The following NEGR1 variants were observed in gnomAD, a reference collection of about 807,000 sequenced individuals.
The protein encoded by NEGR1 is neuronal growth regulator 1, also known as IgLON family member 4.
NEGR1 carries 10 observed loss-of-function variants against 40.9 expected under a neutral mutation model. The ratio of observed to expected loss-of-function variants is 0.24; its 90% confidence interval spans 0.15 to 0.42. The LOEUF (loss-of-function observed/expected upper bound fraction) is 0.42. Ranked by LOEUF, NEGR1 falls within the 10% of genes least tolerant of loss-of-function variation. The pLI, the probability that NEGR1 is intolerant of heterozygous loss-of-function variation, is 1.00. For synonymous variants in NEGR1, 185 were observed against 166.8 expected (o/e 1.11, Z -0.84); for missense variants, 352 against 438.9 (o/e 0.80, Z 1.77).
chr1:72,103,706 A>G (rs1421437830), intron 1 of NEGR1, among the ~76,000 whole-genome samples: 1 of 151,904 alleles, frequency 6.6e-6, no homozygotes, highest in East Asian at 1.9e-4. Context: ...GTTTCTCTCT[A>G]TTTCTCAGGT....
At chr1:71,863,747 A>G (rs1205966921) in intron 2 of NEGR1, among the ~76,000 whole-genome samples, 1 of 152,158 alleles carries the variant, frequency 6.6e-6, no homozygotes, top group Non-Finnish European at 1.5e-5. Flanking sequence ...TTGGGAATAG[A>G]CAGTACTAGT....
chr1:71,707,524 T>A (rs1380701973), intron 3 of NEGR1, among the ~76,000 whole-genome samples: 2 of 152,242 alleles, frequency 1.3e-5, no homozygotes, highest in African/African-American at 4.8e-5. Flanking sequence ...CTGACTCTAG[T>A]CCCTGACTCT....
chr1:72,058,569 C>T (rs1173225440), intron 1 of NEGR1, among the ~76,000 whole-genome samples: 1 of 151,640 alleles, frequency 6.6e-6, no homozygotes, highest in Non-Finnish European at 1.5e-5. Context: ...GTGTACTTTT[C>T]AAATAACAAT....
intron 1 of NEGR1, among the ~76,000 whole-genome samples, chr1:72,260,300 T>G (rs1198060283): frequency 6.6e-6 from 1 of 152,056 alleles, no homozygotes; most frequent in Non-Finnish European, 1.5e-5. Context: ...AAATCAGGAT[T>G]TTATTCTCTA....
chr1:71,786,833 T>C (rs890672440), intron 2 of NEGR1, among the ~76,000 whole-genome samples: 3 of 152,226 alleles, frequency 2.0e-5, no homozygotes, highest in East Asian at 1.9e-4. Flanking sequence ...ATAATGCTAT[T>C]TGACTTCCAA....
At chr1:71,913,021 G>A (rs1386799219) in intron 2 of NEGR1, among the ~76,000 whole-genome samples, 3 of 152,006 alleles carry the variant, frequency 2.0e-5, no homozygotes, top group African/African-American at 7.3e-5. Flanking sequence ...ATCTGTTTGA[G>A]TAGGTTCAAA....
At chr1:72,281,296 G>A (rs1489727414) in intron 1 of NEGR1, among the ~76,000 whole-genome samples, 2 of 152,214 alleles carry the variant, frequency 1.3e-5, no homozygotes, top group African/African-American at 2.4e-5. Context: ...GTACACATGT[G>A]TGAGTGACAA....
At chr1:71,550,788 T>G (rs1189134817) in intron 6 of NEGR1, among the ~76,000 whole-genome samples, 2 of 151,564 alleles carry the variant, frequency 1.3e-5, no homozygotes, top group Non-Finnish European at 3.0e-5. Flanking sequence ...AGGGCAACAG[T>G]CAAATTGTAG....
At chr1:71,909,887 A>C (rs947267857) in intron 2 of NEGR1, among the ~76,000 whole-genome samples, 1 of 152,218 alleles carries the variant, frequency 6.6e-6, no homozygotes, top group Non-Finnish European at 1.5e-5. Flanking sequence ...ATGTGTAATC[A>C]AAGTCATCAA....
intron 1 of NEGR1, among the ~76,000 whole-genome samples, chr1:72,267,653 C>T (rs1401218593): frequency 6.6e-6 from 1 of 151,132 alleles, no homozygotes; most frequent in Non-Finnish European, 1.5e-5. Flanking sequence ...AAAATAAAAT[C>T]ACAGAAGCAT....
chr1:71,782,503 T>C (rs1656753580), intron 2 of NEGR1, among the ~76,000 whole-genome samples: 1 of 152,146 alleles, frequency 6.6e-6, no homozygotes, highest in Non-Finnish European at 1.5e-5. Flanking sequence ...CATTGGTATT[T>C]ATTTCTTCAT....
At chr1:71,435,392 A>T (rs1646502349) in intron 6 of NEGR1, among the ~76,000 whole-genome samples, 1 of 152,196 alleles carries the variant, frequency 6.6e-6, no homozygotes, top group South Asian at 2.1e-4. Flanking sequence ...GGCATAAAAA[A>T]ATGCCAAGAT....
At chr1:71,632,651 C>T (rs1377432431) in intron 4 of NEGR1, among the ~76,000 whole-genome samples, 1 of 151,758 alleles carries the variant, frequency 6.6e-6, no homozygotes, top group Non-Finnish European at 1.5e-5. Context: ...TCCATAAGTA[C>T]ATTATGCCTC....
chr1:72,110,227 A>C (rs1368130089), intron 1 of NEGR1, among the ~76,000 whole-genome samples: 1 of 149,466 alleles, frequency 6.7e-6, no homozygotes, highest in East Asian at 1.9e-4. Context: ...ATAATAAAAA[A>C]AAAAAAAAAA....
intron 1 of NEGR1, among the ~76,000 whole-genome samples, chr1:72,192,482 AGT>A (rs1652852905): frequency 6.6e-6 from 1 of 151,888 alleles, no homozygotes; most frequent in Admixed American, 6.6e-5. Flanking sequence ...AAATTTTAAG[AGT>A]ACTGATTCCA....
At chr1:71,568,309 C>T (rs948075338) in intron 6 of NEGR1, among the ~76,000 whole-genome samples, 2 of 152,130 alleles carry the variant, frequency 1.3e-5, no homozygotes, top group South Asian at 2.1e-4. Context: ...ATGATGAACT[C>T]TAGTGAAGAA....
rs1374424166 is a variant in NEGR1, at chr1:71,560,267, C to T, written c.940+32550G>A. On this transcript the variant is annotated intron_variant, in intron 6 of 6. Coordinates refer to ENST00000357731, the MANE Select transcript of NEGR1 (RefSeq NM_173808.3). ...AGAGATTATCTGTCTCAAGGTTAAG[C>T]TAATAAGTAGCTAGGAATTAAACTC... Among the ~76,000 whole-genome samples the T allele has an allele frequency of 2.7e-5, 4 of 150,842 alleles. No homozygotes were observed. In the East Asian group the frequency reaches 7.8e-4, roughly 30 times the overall value.
intron 4 of NEGR1, among the ~76,000 whole-genome samples, chr1:71,613,524 G>C (rs1273206295): frequency 3.9e-5 from 6 of 151,978 alleles, no homozygotes; most frequent in African/African-American, 1.4e-4. Context: ...GTGGGCACCT[G>C]TAATCCCAGC....
intron 1 of NEGR1, among the ~76,000 whole-genome samples, chr1:72,202,154 A>C (rs965638358): frequency 1.3e-5 from 2 of 151,916 alleles, no homozygotes; most frequent in African/African-American, 4.8e-5. Flanking sequence ...TTATGTTACT[A>C]TTGTAACTTC....
Sources: allele counts gnomAD v4.1 joint callset (sites outside exome capture counted in the v4.1 genomes callset), GRCh38; gene constraint gnomAD v4.1.1; transcripts MANE v1.5; gene names NCBI Gene and HGNC (gene_info 2026-07-23, HGNC 2026-07-21).